PHTF2: variants seen among roughly 807,000 people sequenced by gnomAD.
The protein encoded by PHTF2 is putative homeodomain transcription factor 2, also known as protein PHTF2.
PHTF2 carries 60 observed loss-of-function variants against 101.2 expected under a neutral mutation model. That is an observed-to-expected ratio of 0.59 (90% CI 0.48 to 0.73). PHTF2 has a LOEUF of 0.73. Ranked by LOEUF, PHTF2 falls within the 30% of genes least tolerant of loss-of-function variation. PHTF2 has a pLI of 0.00. For missense variants in PHTF2, 747 were observed against 908.7 expected (o/e 0.82, Z 2.29); for synonymous variants, 311 against 307.3 (o/e 1.01, Z -0.13).
At chr7:77,810,613 C>G (rs1187676701) in intron 1 of PHTF2, among the ~76,000 whole-genome samples, 2 of 152,210 alleles carry the variant, frequency 1.3e-5, no homozygotes, top group Non-Finnish European at 2.9e-5. Flanking sequence ...TCTTGGCTCA[C>G]TGCAACTTCC....
At position 77,840,210 on chromosome 7, in the gene PHTF2, C is replaced by CT. The variant is rs1562862297; in HGVS notation, c.-35-10dup. ...AATAAAGTCATTTGTATGTTTTTCTCTCTTGCACAGCCTAAAATGACCAAT... is the reference window on the plus strand; with the variant it reads ...AATAAAGTCATTTGTATGTTTTTCTCTTCTTGCACAGCCTAAAATGACCAAT... On this transcript the variant is annotated splice_polypyrimidine_tract_variant and intron_variant, in intron 1 of 19. Coordinates refer to ENST00000416283, the Ensembl canonical transcript of PHTF2. 6 of 1,428,994 alleles carry CT rather than the reference C, an allele frequency of 4.2e-6. No individual in the cohort carries two copies. Among genetic ancestry groups the CT allele is most frequent in the Non-Finnish European group, 5.9e-6 (6 of 1,012,812 alleles). 88.5% of individuals were successfully genotyped at this position (1,428,994 alleles called of 1,614,324 possible). A position where few individuals can be genotyped will look rare whatever the true frequency, so the allele number is the denominator to read the frequency against.
At chr7:77,864,307 T>G (rs1413127526) in intron 3 of PHTF2, among the ~76,000 whole-genome samples, 1 of 152,150 alleles carries the variant, frequency 6.6e-6, no homozygotes, top group Non-Finnish European at 1.5e-5. Context: ...TCATTACTCT[T>G]TCATTCTTGT....
At chr7:77,921,432 G>A (rs1299223788) in intron 10 of PHTF2, among the ~76,000 whole-genome samples, 1 of 152,148 alleles carries the variant, frequency 6.6e-6, no homozygotes, top group Non-Finnish European at 1.5e-5. Context: ...ATTAAAAGAT[G>A]TTACCTCTCT....
At chr7:77,846,657 C>T (rs2150600998) in intron 2 of PHTF2, among the ~76,000 whole-genome samples, 2 of 144,000 alleles carry the variant, frequency 1.4e-5, no homozygotes, top group South Asian at 4.8e-4. Context: ...CCGTTCCCTT[C>T]TCTTCCTGCC....
intron 1 of PHTF2, among the ~76,000 whole-genome samples, chr7:77,839,610 G>A (rs1014501248): frequency 1.3e-5 from 2 of 152,030 alleles, no homozygotes. Flanking sequence ...GATCTTTGAG[G>A]ATTAATTGTC....
At chr7:77,901,891 T>C (rs1207741157) in exon 7 of PHTF2, 3 of 1,597,956 alleles carry the variant, frequency 1.9e-6, no homozygotes, top group Non-Finnish European at 2.6e-6. Flanking sequence ...GTCATCTTTT[T>C]CTGGCTTCTT....
At chr7:77,815,988 G>C (rs1431429162) in intron 1 of PHTF2, among the ~76,000 whole-genome samples, 2 of 151,926 alleles carry the variant, frequency 1.3e-5, no homozygotes, top group African/African-American at 4.8e-5. Context: ...GTTAGATATT[G>C]TAAGGTAGTA....
chr7:77,929,848 CTAA>C (rs1209191971), intron 12 of PHTF2, among the ~76,000 whole-genome samples: 1 of 151,480 alleles, frequency 6.6e-6, no homozygotes, highest in Non-Finnish European at 1.5e-5. Context: ...TAACATATAA[CTAA>C]TATGAAAAAA....
chr7:77,931,864 A>G (rs1162269418), intron 12 of PHTF2, among the ~76,000 whole-genome samples: 1 of 152,248 alleles, frequency 6.6e-6, no homozygotes, highest in Non-Finnish European at 1.5e-5. Context: ...ATGTATCAAC[A>G]TGAATAAGTT....
At chr7:77,877,115 CTT>C (rs200021720) in intron 3 of PHTF2, among the ~76,000 whole-genome samples, 19 of 137,148 alleles carry the variant, frequency 1.4e-4, no homozygotes, top group African/African-American at 8.0e-5. Context: ...TTTTCTCTCT[CTT>C]TTTTTTTTTT....
intron 1 of PHTF2, among the ~76,000 whole-genome samples, chr7:77,811,863 A>G (rs1793470037): frequency 1.3e-5 from 2 of 152,210 alleles, no homozygotes; most frequent in African/African-American, 4.8e-5. Context: ...GACGTAAAGT[A>G]TATATGTATA....
chr7:77,944,278 C>T (rs1323672908), intron 16 of PHTF2, among the ~76,000 whole-genome samples: 1 of 152,126 alleles, frequency 6.6e-6, no homozygotes, highest in Non-Finnish European at 1.5e-5. Context: ...TGTGTACCTC[C>T]CTACTCACAC....
chr7:77,951,460 A>G (rs1455833272), intron 17 of PHTF2, among the ~76,000 whole-genome samples, 157 bp from the exon 17 acceptor site: 4 of 152,116 alleles, frequency 2.6e-5, no homozygotes, highest in African/African-American at 7.2e-5. Context: ...TTATTTTCCT[A>G]TTATAAAATA....
At chr7:77,906,901 C>G (rs537929254) in intron 7 of PHTF2, among the ~76,000 whole-genome samples, 5 of 146,016 alleles carry the variant, frequency 3.4e-5, no homozygotes, top group African/African-American at 1.3e-4. Context: ...GAGCGAGACT[C>G]CGTCTCAAGA....
chr7:77,902,610 A>G (rs1202652184), intron 7 of PHTF2, among the ~76,000 whole-genome samples: 2 of 152,172 alleles, frequency 1.3e-5, no homozygotes, highest in African/African-American at 4.8e-5. Context: ...CATGTATAAC[A>G]TTGTAGAGCA....
chr7:77,863,575 T>G (rs1452744620), intron 3 of PHTF2, among the ~76,000 whole-genome samples: 1 of 152,166 alleles, frequency 6.6e-6, no homozygotes, highest in Non-Finnish European at 1.5e-5. Context: ...ATTAAAGATT[T>G]TTTTTTTCTT....
intron 11 of PHTF2, among the ~76,000 whole-genome samples, chr7:77,927,177 A>AATATATATATATATATATAT (rs386410516): frequency 2.9e-4 from 23 of 78,130 alleles, no homozygotes; most frequent in Non-Finnish European, 4.6e-4. Context: ...AAAAAAAAAA[A>AATATATATATATATATATAT]ATATATATAT....
intron 7 of PHTF2, among the ~76,000 whole-genome samples, chr7:77,903,161 C>T (rs1801551601): frequency 6.6e-6 from 1 of 151,970 alleles, no homozygotes; most frequent in Non-Finnish European, 1.5e-5. Context: ...ATATCTTGTC[C>T]TACTTCAATA....
intron 3 of PHTF2, among the ~76,000 whole-genome samples, chr7:77,891,081 G>A (rs1336164718): frequency 6.6e-6 from 1 of 150,390 alleles, no homozygotes; most frequent in Non-Finnish European, 1.5e-5. Flanking sequence ...CTAATTTATT[G>A]TGTTTTTTGA....
Sources: allele counts gnomAD v4.1 joint callset (sites outside exome capture counted in the v4.1 genomes callset), GRCh38; gene constraint gnomAD v4.1.1; transcripts MANE v1.5; gene names NCBI Gene and HGNC (gene_info 2026-07-23, HGNC 2026-07-21).